The following FAM20B variants were observed in gnomAD, a reference collection of about 807,000 sequenced individuals.
The protein encoded by FAM20B is FAM20B glycosaminoglycan xylosylkinase.
Under a neutral mutation model 43.8 loss-of-function variants are expected in FAM20B, and 23 were observed. That is an observed-to-expected ratio of 0.53 (90% confidence interval 0.38 to 0.74). The LOEUF is 0.74. FAM20B is among the 30% of genes least tolerant of loss of function. The pLI, the probability that FAM20B is intolerant of heterozygous loss-of-function variation, is 0.00. For synonymous variants in FAM20B, 178 were observed against 192.4 expected (o/e 0.93, Z 0.62); for missense variants, 440 against 510.5 (o/e 0.86, Z 1.33).
the FAM20B span, among the ~76,000 whole-genome samples, chr1:179,018,369 C>T: frequency 1.3e-5 from 2 of 152,118 alleles, no homozygotes; most frequent in African/African-American, 2.4e-5. Context: ...TACAATGGTA[C>T]AATCTCAGCT....
chr1:179,020,154 T>TACAC, the FAM20B span, among the ~76,000 whole-genome samples: 664 of 148,708 alleles, frequency 4.5e-3, 1 homozygote, highest in African/African-American at 7.8e-3. Flanking sequence ...TGTGTGTGTA[T>TACAC]ACACACACAC....
At chr1:179,057,148 C>T (rs1404104974) in intron 4 of FAM20B, among the ~76,000 whole-genome samples, 1 of 152,086 alleles carries the variant, frequency 6.6e-6, no homozygotes, top group Non-Finnish European at 1.5e-5. Context: ...AGTTCGAGAC[C>T]AGCCTGGCCA....
chr1:179,048,836 A>G (rs1650883997), intron 2 of FAM20B, among the ~76,000 whole-genome samples: 1 of 152,220 alleles, frequency 6.6e-6, no homozygotes, highest in Non-Finnish European at 1.5e-5. Flanking sequence ...TGCCTTGAAG[A>G]TATATTTTGT....
rs534907655 is a variant in FAM20B at position 179,038,275 on chromosome 1, G to A, written c.-133-5440G>A. On this transcript the variant is annotated intron_variant, in intron 1 of 7. Coordinates refer to ENST00000263733, the MANE Select transcript of FAM20B (RefSeq NM_014864.4). ...AATGCAAAAGCCTTAGCTGGGCGTG[G>A]TGGCGCATGCCTGTAATCCCAGCTA... Among the ~76,000 whole-genome samples the A allele has an allele frequency of 2.8e-4, 42 of 152,260 alleles. 1 individual carries two copies. The East Asian group carries it at 8.1e-3, about 29-fold the overall frequency.
Position 179,026,689 on chromosome 1 carries a change from C to A in FAM20B, c.-134+591C>A, listed in dbSNP as rs557406359. Among the ~76,000 whole-genome samples, 3 of 152,364 alleles carry A rather than the reference C, an allele frequency of 2.0e-5. No homozygotes were observed. The East Asian group carries it at 5.8e-4, about 29-fold the overall frequency. On this transcript the variant is annotated intron_variant, in intron 1 of 7. Coordinates refer to ENST00000263733, the MANE Select transcript of FAM20B (RefSeq NM_014864.4). ...TGCGCCGGGCGCTCGCAGAAGGGCACAACTTAACGAATGCTGTGTTAGCCC... is the reference window on the plus strand; with the variant it reads ...TGCGCCGGGCGCTCGCAGAAGGGCAAAACTTAACGAATGCTGTGTTAGCCC...
chr1:179,050,456 A>T (rs1650958533), intron 3 of FAM20B, 91 bp downstream of exon 3: 1 of 824,750 alleles, frequency 1.2e-6, no homozygotes, highest in Non-Finnish European at 2.1e-6. Context: ...GAAGGATGCA[A>T]CACTAATAAA....
At chr1:179,054,859 G>A (rs1651146571) in intron 4 of FAM20B, among the ~76,000 whole-genome samples, 1 of 152,124 alleles carries the variant, frequency 6.6e-6, no homozygotes, top group Admixed American at 6.5e-5. Context: ...TGTGACATAG[G>A]GAGTGAGGTC....
At chr1:179,020,219 G>A in the FAM20B span, among the ~76,000 whole-genome samples, 1 of 151,948 alleles carries the variant, frequency 6.6e-6, no homozygotes, top group Non-Finnish European at 1.5e-5. Flanking sequence ...GCCTTTGAAG[G>A]AGGGACCAGG....
chr1:179,060,362 A>G (rs967660461), intron 4 of FAM20B, among the ~76,000 whole-genome samples: 2 of 152,182 alleles, frequency 1.3e-5, no homozygotes, highest in African/African-American at 4.8e-5. Context: ...TATATATGTC[A>G]GGGGTCCCCA....
intron 1 of FAM20B, among the ~76,000 whole-genome samples, chr1:179,043,166 TC>T (rs1650617968): frequency 6.6e-6 from 1 of 152,132 alleles, no homozygotes; most frequent in African/African-American, 2.4e-5. Context: ...TTGGCCTCCC[TC>T]CCATGCTCAT....
At chr1:179,058,566 G>C (rs879667595) in intron 4 of FAM20B, among the ~76,000 whole-genome samples, 1 of 152,186 alleles carries the variant, frequency 6.6e-6, no homozygotes, top group Admixed American at 6.5e-5. Context: ...CAGCTGGTCA[G>C]GACAGTGTCA....
Position 179,075,707 on chromosome 1 carries a change from G to A in FAM20B, c.*3563G>A, listed in dbSNP as rs1652102243. The A allele has an allele frequency of 1.3e-5, 2 of 152,268 alleles. No homozygotes were observed. Among genetic ancestry groups the A allele is most frequent in the Non-Finnish European group, 2.9e-5 (2 of 68,014 alleles). The allele number at this position is 152,268 out of a possible 1,614,324, so 9.4% of individuals were successfully genotyped here. On this transcript the variant is annotated 3_prime_UTR_variant, in exon 8 of 8. Coordinates refer to ENST00000263733, the MANE Select transcript of FAM20B (RefSeq NM_014864.4). ...ATTTTGGGAAAGATGAGTCCTATAC[G>A]TGGCAATTTTTCAATGTCATCTGAA...
intron 1 of FAM20B, among the ~76,000 whole-genome samples, chr1:179,030,713 C>T (rs1247970672): frequency 6.6e-6 from 1 of 152,164 alleles, no homozygotes; most frequent in Non-Finnish European, 1.5e-5. Context: ...ATTCTTATAA[C>T]CCTAAAGGTC....
chr1:179,063,933 A>G lies in FAM20B; in HGVS notation c.581A>G (p.Asn194Ser), dbSNP rs764693665. The change falls in exon 5 of 8, where the codon AAT becomes AGT. Residue 194 changes from asparagine to serine, a missense_variant. Coordinates refer to ENST00000263733, the MANE Select transcript of FAM20B (RefSeq NM_014864.4). The part of the protein sequence containing the change: ...LLSTFLTVGN[N>S]TCFYGKCYYC... ...GCTCCTTTCTGTCCTTTAGGAAACA[A>G]TACTTGTTTTTATGGGAAGTGCTAT... is the stretch of plus-strand genomic sequence containing the variant. 2 of 1,605,706 alleles carry G rather than the reference A, an allele frequency of 1.2e-6. No individual in the cohort carries two copies. Among genetic ancestry groups the G allele is most frequent in the East Asian group, 2.2e-5 (1 of 44,734 alleles).
chr1:179,064,639 T>C (rs972473344), intron 6 of FAM20B, 143 bp downstream of exon 6: 2 of 646,402 alleles, frequency 3.1e-6, no homozygotes, highest in Admixed American at 5.9e-5. Context: ...TTGCTATTGG[T>C]ACCTGTCCTT....
In FAM20B at chr1:179,044,209, T is replaced by G; in HGVS notation, c.362T>G (p.Val121Gly). Residue 121 changes from valine (V) to glycine (G), a missense_variant, in exon 2 of 8, where the codon GTT becomes GGT. Physicochemically the swap from Val to Gly is moderately radical, Grantham distance 109. Transcript: ENST00000263733. ...ATACTTGAAGGAGGCCAGAAAGTTG[T>G]TTTCAAACCTAAGCGGTAAGTTTTG... Reference protein sequence around the residue: ...LLILEGGQKVVFKPKRYSRDH... With the variant: ...LLILEGGQKVGFKPKRYSRDH... The G allele has an allele frequency of 6.2e-7, 1 of 1,607,576 alleles. No homozygotes were observed. The highest frequency in any genetic ancestry group is 8.5e-7 in the Non-Finnish European group (1 of 1,175,996).
In FAM20B at chr1:179,071,951, A is replaced by T. The variant is rs1456662916; in HGVS notation, c.1037A>T (p.Lys346Met). 16 of 1,614,090 alleles carry T rather than the reference A, an allele frequency of 9.9e-6. No individual in the cohort carries two copies. Among genetic ancestry groups the T allele is most frequent in the Non-Finnish European group, 1.3e-5 (15 of 1,180,030 alleles). Residue 346 changes from lysine to methionine, a missense_variant, in exon 8 of 8, where the codon AAG becomes ATG. Coordinates refer to ENST00000263733, the MANE Select transcript of FAM20B (RefSeq NM_014864.4). ...ACCTGGAACAGACTGAACTACCTAA[A>T]GAATGGTGTGCTAAAGTCTGCCTTA... ...VSTWNRLNYLKNGVLKSALKS... is the reference protein window; with the variant it reads ...VSTWNRLNYLMNGVLKSALKS...
intron 2 of FAM20B, 135 bp downstream of exon 2, chr1:179,044,359 G>C: frequency 1.1e-6 from 1 of 941,726 alleles, no homozygotes; most frequent in Non-Finnish European, 1.5e-6. Flanking sequence ...GATCTCTAAA[G>C]TCTTTTCTAG....
intron 1 of FAM20B, among the ~76,000 whole-genome samples, chr1:179,030,155 C>T (rs1289850095): frequency 1.3e-5 from 2 of 152,154 alleles, no homozygotes; most frequent in Non-Finnish European, 2.9e-5. Context: ...TATGTTCTAC[C>T]TGCTCTTCTC....
Sources: allele counts gnomAD v4.1 joint callset (sites outside exome capture counted in the v4.1 genomes callset), GRCh38; gene constraint gnomAD v4.1.1; transcripts MANE v1.5; gene names NCBI Gene and HGNC (gene_info 2026-07-23, HGNC 2026-07-21).